Variants in SLC15A1 observed in about 807,000 individuals in gnomAD.
The protein encoded by SLC15A1 is Caco-2 oligopeptide transporter.
A neutral mutation model predicts 92.9 loss-of-function variants in SLC15A1; 83 were observed. That is an observed-to-expected ratio of 0.89 (90% CI 0.75 to 1.07). SLC15A1 has a LOEUF of 1.07. Among genes scored for constraint, SLC15A1 ranks in the 50% least tolerant of loss-of-function variants. SLC15A1 has a pLI of 0.00. For missense variants in SLC15A1, 857 were observed against 880.1 expected (o/e 0.97, Z 0.33); for synonymous variants, 322 against 318.2 (o/e 1.01, Z -0.13).
intron 1 of SLC15A1, among the ~76,000 whole-genome samples, chr13:98,737,254 A>G (rs1427383003): frequency 1.3e-5 from 2 of 152,200 alleles, no homozygotes; most frequent in Non-Finnish European, 2.9e-5. Flanking sequence ...CAGAAAACCA[A>G]ACACCTCATG....
intron 18 of SLC15A1, among the ~76,000 whole-genome samples, chr13:98,699,832 AT>A (rs1431789344): frequency 7.9e-5 from 12 of 152,198 alleles, no homozygotes; most frequent in African/African-American, 2.9e-4. Context: ...GTTGTAACTC[AT>A]TGTGGTCTTC....
chr13:98,702,466 A>AATTTT lies in SLC15A1; in HGVS notation c.1466+13_1466+14insAAAAT. ...GAATCTGATAAAACTTAAATTTTAA[A>AATTTT]GAAATATACATACCTGATTCCATTT... is the stretch of plus-strand genomic sequence containing the variant. On this transcript the variant is annotated intron_variant, in intron 18 of 22. Coordinates refer to ENST00000376503, the MANE Select transcript of SLC15A1 (RefSeq NM_005073.4). 1 of 1,585,356 alleles carries AATTTT rather than the reference A, an allele frequency of 6.3e-7. No homozygotes were observed.
At chr13:98,732,619 A>C (rs761784718) in intron 1 of SLC15A1, among the ~76,000 whole-genome samples, 30 of 152,154 alleles carry the variant, frequency 2.0e-4, no homozygotes, top group Non-Finnish European at 3.8e-4. Context: ...TTGAAGTCTT[A>C]TTACCTAAAA....
At chr13:98,688,871 G>T (rs1441463539) in intron 18 of SLC15A1, among the ~76,000 whole-genome samples, 1 of 152,142 alleles carries the variant, frequency 6.6e-6, no homozygotes, top group Non-Finnish European at 1.5e-5. Context: ...ATTAAGCAGG[G>T]ACTGAAGTAG....
At chr13:98,746,560 C>T (rs1402352784) in intron 1 of SLC15A1, among the ~76,000 whole-genome samples, 1 of 152,190 alleles carries the variant, frequency 6.6e-6, no homozygotes, top group Non-Finnish European at 1.5e-5. Context: ...TCAAGAACAT[C>T]TCAAATGTAT....
chr13:98,751,245 A>C (rs910530783), intron 1 of SLC15A1, among the ~76,000 whole-genome samples: 7 of 152,202 alleles, frequency 4.6e-5, no homozygotes, highest in Non-Finnish European at 8.8e-5. Context: ...GCAAACAGAG[A>C]GGACCAGTTG....
At chr13:98,691,663 C>T (rs2087978397) in intron 18 of SLC15A1, among the ~76,000 whole-genome samples, 1 of 152,192 alleles carries the variant, frequency 6.6e-6, no homozygotes, top group African/African-American at 2.4e-5. Context: ...GAAAAGGATG[C>T]AGATTTGCTT....
In SLC15A1 at chr13:98,689,327, C is replaced by T. The variant is rs183644764; in HGVS notation, c.1467-750G>A. On this transcript the variant is annotated intron_variant, in intron 18 of 22. Transcript: ENST00000376503. Reference sequence around the variant, plus strand: ...AGACCCCAGTTCCTAAACGACACCCCCTTCTTTAGGGGGTTGAGGAGGAAA... The same window carrying T: ...AGACCCCAGTTCCTAAACGACACCCTCTTCTTTAGGGGGTTGAGGAGGAAA... Among the ~76,000 whole-genome samples the T allele has an allele frequency of 1.2e-3, 184 of 152,308 alleles. 1 individual carries two copies. The highest frequency in any genetic ancestry group is 4.0e-3 in the African/African-American group (165 of 41,564).
intron 1 of SLC15A1, among the ~76,000 whole-genome samples, chr13:98,738,914 C>T (rs1416174805): frequency 6.6e-6 from 1 of 152,230 alleles, no homozygotes; most frequent in Non-Finnish European, 1.5e-5. Flanking sequence ...CACAGGCACT[C>T]AACAACATGT....
At chr13:98,686,346 G>T in intron 21 of SLC15A1, 49 bp from the exon 22 acceptor site, 3 of 1,317,900 alleles carry the variant, frequency 2.3e-6, no homozygotes, top group Non-Finnish European at 3.2e-6. Context: ...CACCCTCCGA[G>T]CAGGAGAACA....
intron 1 of SLC15A1, among the ~76,000 whole-genome samples, chr13:98,748,828 G>A (rs921478233): frequency 3.9e-5 from 6 of 152,136 alleles, no homozygotes; most frequent in African/African-American, 1.4e-4. Flanking sequence ...GTGGGCCTGG[G>A]AGCAGCAGCA....
intron 1 of SLC15A1, among the ~76,000 whole-genome samples, chr13:98,728,591 G>A (rs1481145646): frequency 1.3e-5 from 2 of 152,136 alleles, no homozygotes; most frequent in Admixed American, 6.6e-5. Flanking sequence ...ATGAAGCAAG[G>A]TTAGTGGATA....
intron 14 of SLC15A1, among the ~76,000 whole-genome samples, chr13:98,709,232 G>A (rs2088141211): frequency 1.3e-5 from 2 of 151,962 alleles, no homozygotes; most frequent in Admixed American, 6.5e-5. Flanking sequence ...GCCTCCCAAA[G>A]TGCTGGAATT....
At chr13:98,736,729 C>A (rs1000684029) in intron 1 of SLC15A1, among the ~76,000 whole-genome samples, 3 of 152,104 alleles carry the variant, frequency 2.0e-5, no homozygotes, top group African/African-American at 7.2e-5. Flanking sequence ...GCAGCCAACA[C>A]ACACATAAAA....
In SLC15A1 at chr13:98,709,782, G is replaced by C. The variant is rs1566448774; in HGVS notation, c.946-8C>G. On this transcript the variant is annotated splice_region_variant and splice_polypyrimidine_tract_variant and intron_variant, in intron 12 of 22. Transcript: ENST00000376503. ...CTGAATTTCAAGAGCTCCCTAAAAA[G>C]AGAGGAAAACAATCTCAGTGAAAAA... is the stretch of plus-strand genomic sequence containing the variant. The C allele has an allele frequency of 6.2e-7, 1 of 1,614,160 alleles. No homozygotes were observed. The highest frequency in any genetic ancestry group is 8.5e-7 in the Non-Finnish European group (1 of 1,180,044).
intron 5 of SLC15A1, among the ~76,000 whole-genome samples, chr13:98,723,465 G>T (rs1346077891): frequency 6.6e-6 from 1 of 152,164 alleles, no homozygotes; most frequent in Non-Finnish European, 1.5e-5. Context: ...CTGCCATCCA[G>T]AGCCCAGCAC....
At chr13:98,749,347 T>C (rs2088522551) in intron 1 of SLC15A1, among the ~76,000 whole-genome samples, 1 of 152,224 alleles carries the variant, frequency 6.6e-6, no homozygotes, top group Admixed American at 6.5e-5. Context: ...TAAAGTATCC[T>C]ACTTTAAGTG....
At position 98,684,419 on chromosome 13, in the gene SLC15A1, C is replaced by T. The variant is rs1439017255; in HGVS notation, c.*305G>A. The T allele has an allele frequency of 1.8e-5, 4 of 218,178 alleles. No individual in the cohort carries two copies. Among genetic ancestry groups the T allele is most frequent in the Non-Finnish European group, 3.7e-5 (4 of 109,396 alleles). The allele number at this position is 218,178 out of a possible 1,614,324, so 13.5% of individuals were successfully genotyped here. On this transcript the variant is annotated 3_prime_UTR_variant, in exon 23 of 23. Coordinates refer to ENST00000376503, the MANE Select transcript of SLC15A1 (RefSeq NM_005073.4). ...AAATAGCTGGGCGTGGTGGTGCATG[C>T]CGCTAATCCCAGCCACTCGGGAGGC...
At chr13:98,724,184 G>A (rs2088281230) in intron 4 of SLC15A1, among the ~76,000 whole-genome samples, 153 bp from the exon 5 acceptor site, 1 of 152,128 alleles carries the variant, frequency 6.6e-6, no homozygotes, top group East Asian at 1.9e-4. Flanking sequence ...TTAACTCTCA[G>A]GAACTCACAT....
Sources: allele counts gnomAD v4.1 joint callset (sites outside exome capture counted in the v4.1 genomes callset), GRCh38; gene constraint gnomAD v4.1.1; transcripts MANE v1.5; gene names NCBI Gene and HGNC (gene_info 2026-07-23, HGNC 2026-07-21).